CUBN: variants seen among roughly 807,000 people sequenced by gnomAD.
CUBN encodes the protein cubilin.
CUBN carries 282 observed loss-of-function variants against 405.3 expected under a neutral mutation model. The ratio of observed to expected loss-of-function variants is 0.70; its 90% CI spans 0.63 to 0.77. The LOEUF is 0.77. Ranked by LOEUF, CUBN falls within the 30% of genes least tolerant of loss-of-function variation. CUBN has a pLI of 0.00. For synonymous variants in CUBN, 1,684 were observed against 1,617.0 expected, an observed-to-expected ratio of 1.04 and a Z score of -0.99; for missense variants, 4,514 against 4,475.2, an observed-to-expected ratio of 1.01 and a Z score of -0.25.
In CUBN at chr10:16,836,226, TG is replaced by T. The variant is rs1481680045; in HGVS notation, c.10180+8del. On this transcript the variant is annotated splice_region_variant and intron_variant, in intron 63 of 66. Transcript: ENST00000377833. ...TTTTTTGAATAAAAGATGAAGTTCCTGGCCTCACCTGCAATCTGATAGGTGA... is the reference window on the plus strand; with the variant it reads ...TTTTTTGAATAAAAGATGAAGTTCCTGCCTCACCTGCAATCTGATAGGTGA... 2.5e-6 allele frequency: 4 copies of T among 1,612,006 alleles called. No individual in the cohort carries two copies. The Admixed American group carries it at 6.7e-5, about 27-fold the overall frequency.
chr10:16,830,402 T>C (rs1307183664), intron 65 of CUBN, among the ~76,000 whole-genome samples: 3 of 152,220 alleles, frequency 2.0e-5, no homozygotes, highest in Admixed American at 6.5e-5. Flanking sequence ...TTTTGGTATT[T>C]TGGGATATTT....
chr10:17,006,000 G>C (rs1005940507), intron 28 of CUBN, among the ~76,000 whole-genome samples: 1 of 152,150 alleles, frequency 6.6e-6, no homozygotes, highest in Non-Finnish European at 1.5e-5. Flanking sequence ...CACCATGTGA[G>C]GACACAGGGA....
chr10:16,998,480 G>A (rs1833795458), intron 28 of CUBN, among the ~76,000 whole-genome samples: 1 of 152,194 alleles, frequency 6.6e-6, no homozygotes, highest in African/African-American at 2.4e-5. Flanking sequence ...GGATGACCCT[G>A]CCAACACCTT....
At chr10:16,919,748 G>A (rs368074213) in intron 44 of CUBN, among the ~76,000 whole-genome samples, 18 of 152,250 alleles carry the variant, frequency 1.2e-4, no homozygotes, top group Middle Eastern at 6.8e-3. Context: ...GAAGTGTCTA[G>A]GGTCACAAGG....
chr10:17,047,476 G>C lies in CUBN; in HGVS notation c.3267C>G (p.His1089Gln). 1 of 1,614,048 alleles carries C rather than the reference G, an allele frequency of 6.2e-7. No homozygotes were observed. Among genetic ancestry groups the C allele is most frequent in the Non-Finnish European group, 8.5e-7 (1 of 1,179,938 alleles). Residue 1089 changes from histidine (H) to glutamine (Q), a missense_variant, in exon 23 of 67, where the codon CAC becomes CAG. By Grantham distance (24) the His-to-Gln change is conservative (BLOSUM62 0). Transcript: ENST00000377833. ...CTTCCTCCAAGGAGAAGTTTGTGAA[G>C]TGCACTGCAATCAGTTGGCCAGTTC... ...TVRTGQLIAV[H>Q]FTNFSLEEAI...
intron 59 of CUBN, among the ~76,000 whole-genome samples, 184 bp downstream of exon 59, chr10:16,869,452 T>C (rs554616197): frequency 5.9e-5 from 9 of 151,466 alleles, no homozygotes; most frequent in African/African-American, 2.2e-4. Context: ...TGTTGAGTGA[T>C]TTTTTTACAA....
intron 58 of CUBN, among the ~76,000 whole-genome samples, chr10:16,872,339 T>C (rs1299254397): frequency 7.7e-6 from 1 of 129,184 alleles, no homozygotes; most frequent in Non-Finnish European, 1.5e-5. Flanking sequence ...ACATTTAGAT[T>C]GTATACATAC....
intron 55 of CUBN, among the ~76,000 whole-genome samples, chr10:16,890,069 G>A (rs1840957654): frequency 6.6e-6 from 1 of 152,106 alleles, no homozygotes; most frequent in Non-Finnish European, 1.5e-5. Flanking sequence ...CCACAGGCCA[G>A]CCACACTGGT....
rs146027947 is a variant in CUBN, at chr10:16,836,376, C to T, written c.10039G>A (p.Gly3347Arg). Reference sequence around the variant, plus strand: ...CCACAGAACTGAAATCTTGAATTTCCGTGACCCTGAAATGAAATGGGAGCC... The same window carrying T: ...CCACAGAACTGAAATCTTGAATTTCTGTGACCCTGAAATGAAATGGGAGCC... ...LQLQDSPQGH[G>R]NSRFQFCGRN... The change falls in exon 63 of 67, where the codon GGA becomes AGA. Residue 3347 changes from glycine to arginine, a missense_variant. Gly to Arg is a moderately radical substitution (Grantham distance 125). This residue lies in a region of CUBN where 1,186 missense variants were observed against 1,186.9 expected (regional missense o/e 1.00). Coordinates refer to ENST00000377833, the MANE Select transcript of CUBN (RefSeq NM_001081.4). 2.3e-3 allele frequency: 3,680 copies of T among 1,613,966 alleles called. 47 individuals carry two copies. The East Asian group carries it at 0.029, about 13-fold the overall frequency.
At chr10:16,859,895 C>T (rs1455996910) in intron 59 of CUBN, among the ~76,000 whole-genome samples, 1 of 152,050 alleles carries the variant, frequency 6.6e-6, no homozygotes, top group Non-Finnish European at 1.5e-5. Context: ...ATAGATAGCA[C>T]AAAAGACAGG....
intron 59 of CUBN, among the ~76,000 whole-genome samples, chr10:16,852,345 C>T (rs1588587633): frequency 7.6e-6 from 1 of 131,802 alleles, no homozygotes; most frequent in Non-Finnish European, 1.5e-5. Flanking sequence ...CCCTCCCTCC[C>T]TCTATCTTTC....
chr10:17,023,652 G>A, intron 27 of CUBN: 1 of 455,892 alleles, frequency 2.2e-6, no homozygotes, highest in South Asian at 1.5e-5. Context: ...CTACTGACAA[G>A]CAAGCTGGAG....
At chr10:16,979,123 T>A (rs1213112917) in intron 31 of CUBN, among the ~76,000 whole-genome samples, 3 of 152,102 alleles carry the variant, frequency 2.0e-5, no homozygotes, top group African/African-American at 7.2e-5. Flanking sequence ...TACCTAGGAA[T>A]ACAACTTACA....
At chr10:17,066,524 T>C (rs530557445) in intron 21 of CUBN, among the ~76,000 whole-genome samples, 27 of 152,162 alleles carry the variant, frequency 1.8e-4, no homozygotes, top group African/African-American at 6.3e-4. Context: ...TATAATACCA[T>C]TGCAGTGTGA....
At position 16,848,396 on chromosome 10, in the gene CUBN, G is replaced by A. The variant is rs575999116; in HGVS notation, c.9663+2839C>T. ...GAATTACTCCAACGGGGAAAAAAAG[G>A]GAGGTAAATTTGTTTACAATTTATG... On this transcript the variant is annotated intron_variant, in intron 60 of 66. Transcript: ENST00000377833. 2.6e-5 allele frequency among the ~76,000 whole-genome samples: 4 copies of A among 152,274 alleles called. No individual in the cohort carries two copies. The South Asian group carries it at 6.2e-4, about 24-fold the overall frequency.
rs755270251 is a variant in CUBN at position 17,045,025 on chromosome 10, G to A, written c.3654C>T (p.Cys1218=). The A allele has an allele frequency of 2.4e-5, 39 of 1,613,940 alleles. No individual in the cohort carries two copies. Among genetic ancestry groups the A allele is most frequent in the Admixed American group, 3.3e-5 (2 of 59,988 alleles). ...TACATACAGCCAGGTAATCTAAAGT[G>A]CAGTTTGGATGATGCTCCAAGTGAA... ...KDFHLEHHPN[C]TLDYLAVYDG... The change falls in exon 25 of 67, where the codon TGC becomes TGT. Residue 1218 remains cysteine, a synonymous_variant. Coordinates refer to ENST00000377833, the MANE Select transcript of CUBN (RefSeq NM_001081.4).
chr10:16,877,835 T>C (rs1009019937), intron 56 of CUBN, among the ~76,000 whole-genome samples: 5 of 152,306 alleles, frequency 3.3e-5, no homozygotes, highest in Admixed American at 1.3e-4. Context: ...CTACAACATA[T>C]CCAGTGATTT....
At position 16,901,398 on chromosome 10, in the gene CUBN, A is replaced by G. The variant is rs777497492; in HGVS notation, c.8124T>C (p.Ala2708=). The change falls in exon 52 of 67, where the codon GCT becomes GCC. Residue 2708 remains alanine (A), a synonymous_variant. Transcript: ENST00000377833. Reference sequence around the variant, plus strand: ...AAGAGCAGTGGGTCAGGCTGTCATAAGCATTTGGATAGTTGGGGCTTGTGA... The same window carrying G: ...AAGAGCAGTGGGTCAGGCTGTCATAGGCATTTGGATAGTTGGGGCTTGTGA... ...GVITSPNYPN[A]YDSLTHCSSL... 8.1e-6 allele frequency: 13 copies of G among 1,614,036 alleles called. No homozygotes were observed. The highest frequency in any genetic ancestry group is 8.5e-6 in the Non-Finnish European group (10 of 1,180,006).
At chr10:17,007,263 G>C (rs1255703711) in intron 28 of CUBN, among the ~76,000 whole-genome samples, 2 of 143,990 alleles carry the variant, frequency 1.4e-5, no homozygotes, top group Non-Finnish European at 3.0e-5. Context: ...TGAATACCAT[G>C]AACCGATTAG....
Sources: gnomAD v4.1 joint callset for allele counts (sites outside exome capture counted in the v4.1 genomes callset) on GRCh38, gnomAD v4.1.1 for gene constraint, gnomAD v4.1.1 regional missense constraint, MANE v1.5 for transcripts, NCBI Gene and HGNC (gene_info 2026-07-23, HGNC 2026-07-21) for gene names.